Variants in ARHGEF28 observed in about 807,000 individuals in gnomAD.
The protein encoded by ARHGEF28 is 190 kDa guanine nucleotide exchange factor.
A neutral mutation model predicts 206.6 loss-of-function variants in ARHGEF28; 152 were observed. That is an observed-to-expected ratio of 0.74 (90% CI 0.64 to 0.84). The LOEUF (loss-of-function observed/expected upper bound fraction) is 0.84. Among genes scored for constraint, ARHGEF28 ranks in the 40% least tolerant of loss-of-function variants. ARHGEF28 has a pLI of 0.00. For synonymous variants in ARHGEF28, 763 were observed against 776.4 expected (o/e 0.98, Z 0.29); for missense variants, 2,028 against 2,073.2 (o/e 0.98, Z 0.42).
rs201222982 is a variant in ARHGEF28, at chr5:73,898,049, C to T, written c.3929C>T (p.Ala1310Val). 445 of 1,611,078 alleles carry T rather than the reference C, an allele frequency of 2.8e-4. 2 individuals are homozygous for T. The highest frequency in any genetic ancestry group is 5.0e-4 in the Middle Eastern group (3 of 6,056). ...CEDSCGDSVL[A>V]DTLSSHDVPG... ...GACAGTTGTGGAGACTCTGTCTTGG[C>T]GGACACACTCAGTTCTCATGATGTA... Residue 1310 changes from alanine to valine, a missense_variant, in exon 30 of 36, where the codon GCG becomes GTG. Physicochemically the swap from Ala to Val is moderately conservative, Grantham distance 64. Around this residue, in one of 3 missense-constraint regions of ARHGEF28, gnomAD observed 803 missense variants for 768.0 expected, o/e 1.05. Coordinates refer to ENST00000513042, the MANE Select transcript of ARHGEF28 (RefSeq NM_001177693.2).
intron 1 of ARHGEF28, among the ~76,000 whole-genome samples, chr5:73,683,917 GA>G (rs1202425388): frequency 1.3e-5 from 2 of 152,256 alleles, no homozygotes; most frequent in East Asian, 3.9e-4. Flanking sequence ...CAGTCTATGG[GA>G]TAGTGTCTGG....
intron 1 of ARHGEF28, among the ~76,000 whole-genome samples, chr5:73,684,076 T>C (rs930901871): frequency 6.6e-6 from 1 of 152,194 alleles, no homozygotes; most frequent in African/African-American, 2.4e-5. Flanking sequence ...TTTGATAATA[T>C]ATAGAAGGTT....
At chr5:73,780,854 G>C in intron 7 of ARHGEF28, 109 bp downstream of exon 7, 1 of 1,207,738 alleles carries the variant, frequency 8.3e-7, no homozygotes, top group Admixed American at 2.1e-5. Flanking sequence ...AAGGGGCTCA[G>C]AGGCAAGATC....
At chr5:73,938,267 C>G (rs1764537341) in intron 35 of ARHGEF28, among the ~76,000 whole-genome samples, 1 of 151,350 alleles carries the variant, frequency 6.6e-6, no homozygotes, top group African/African-American at 2.4e-5. Flanking sequence ...TACAATGTAA[C>G]TTAAAAAAGA....
chr5:73,873,486 A>C (rs545775663), intron 22 of ARHGEF28, among the ~76,000 whole-genome samples: 1 of 152,172 alleles, frequency 6.6e-6, no homozygotes, highest in African/African-American at 2.4e-5. Flanking sequence ...TTATTGAATG[A>C]ATGGGCCACT....
At chr5:73,729,387 A>T (rs1193169713) in intron 2 of ARHGEF28, among the ~76,000 whole-genome samples, 1 of 152,184 alleles carries the variant, frequency 6.6e-6, no homozygotes, top group Non-Finnish European at 1.5e-5. Flanking sequence ...TTTTAAGAAC[A>T]TATCCTCTGG....
intron 9 of ARHGEF28, chr5:73,827,903 C>G (rs1309188050): frequency 1.3e-5 from 2 of 152,004 alleles, no homozygotes; most frequent in Admixed American, 6.6e-5. Context: ...TTTTTGGGGT[C>G]AATAACTTTT....
intron 1 of ARHGEF28, among the ~76,000 whole-genome samples, chr5:73,649,649 G>C (rs911011304): frequency 2.6e-5 from 4 of 152,196 alleles, no homozygotes; most frequent in African/African-American, 4.8e-5. Context: ...TAGTTATACT[G>C]TTTTACCCTT....
intron 9 of ARHGEF28, among the ~76,000 whole-genome samples, chr5:73,806,460 GTATGTATATAGTATATAT>G (rs1755469510): frequency 1.6e-5 from 2 of 123,640 alleles, no homozygotes; most frequent in African/African-American, 6.7e-5. Context: ...TCTATATATA[GTATGTATATAGTATATAT>G]CTATATATAG....
intron 2 of ARHGEF28, among the ~76,000 whole-genome samples, chr5:73,686,053 G>A (rs1281102396): frequency 6.6e-6 from 1 of 152,068 alleles, no homozygotes; most frequent in Admixed American, 6.6e-5. Flanking sequence ...TACTTCTCTG[G>A]AGGAAGACAG....
chr5:73,709,681 G>T (rs952918611), intron 2 of ARHGEF28, among the ~76,000 whole-genome samples: 1 of 152,050 alleles, frequency 6.6e-6, no homozygotes, highest in Non-Finnish European at 1.5e-5. Context: ...ACTGCACCTG[G>T]GGTATGACTG....
At position 73,806,399 on chromosome 5, in the gene ARHGEF28, C is replaced by G. The variant is rs1325871438; in HGVS notation, c.1024+11008C>G. On this transcript the variant is annotated intron_variant, in intron 9 of 35. Coordinates refer to ENST00000513042, the MANE Select transcript of ARHGEF28 (RefSeq NM_001177693.2). ...ATATATAGATATATAGATATATATA[C>G]ATATATAGATATATAGATATATACT... 8.4e-5 allele frequency among the ~76,000 whole-genome samples: 10 copies of G among 119,156 alleles called. 1 individual carries two copies. In the South Asian group the frequency reaches 1.3e-3, roughly 15 times the overall value. 78.2% of individuals were successfully genotyped at this position (119,156 alleles called of 152,430 possible). A position where few individuals can be genotyped will look rare whatever the true frequency, so the allele number is the denominator to read the frequency against.
intron 1 of ARHGEF28, among the ~76,000 whole-genome samples, chr5:73,652,481 A>G (rs1479837497): frequency 6.6e-6 from 1 of 152,144 alleles, no homozygotes; most frequent in Non-Finnish European, 1.5e-5. Flanking sequence ...CGGTATGCAC[A>G]TTTGGGGGAG....
intron 21 of ARHGEF28, among the ~76,000 whole-genome samples, chr5:73,871,996 A>G (rs1423355430): frequency 6.6e-6 from 1 of 152,082 alleles, no homozygotes; most frequent in Non-Finnish European, 1.5e-5. Context: ...ATTGATGGAC[A>G]TTTTGGGTTT....
rs150030845 is a variant in ARHGEF28, at chr5:73,794,379, C to G, written c.911-23C>G. 3 of 1,572,646 alleles carry G rather than the reference C, an allele frequency of 1.9e-6. No homozygotes were observed. The South Asian group carries it at 3.5e-5, about 19-fold the overall frequency. ...TTAACAAAAGCTCCCATCAGCAGAT[C>G]CTGATAATTATTTCTTTTGCAGAGA... On this transcript the variant is annotated intron_variant, in intron 7 of 35. Coordinates refer to ENST00000513042, the MANE Select transcript of ARHGEF28 (RefSeq NM_001177693.2).
At chr5:73,637,334 A>G (rs1743786387) in intron 1 of ARHGEF28, among the ~76,000 whole-genome samples, 1 of 152,150 alleles carries the variant, frequency 6.6e-6, no homozygotes, top group Non-Finnish European at 1.5e-5. Context: ...TTCTCTCAAG[A>G]AACTTAGGGA....
Position 73,883,781 on chromosome 5 carries a change from T to A in ARHGEF28, c.2952T>A (p.Asn984Lys). The A allele has an allele frequency of 1.3e-6, 2 of 1,554,744 alleles. No individual in the cohort carries two copies. The highest frequency in any genetic ancestry group is 4.8e-5 in the East Asian group (2 of 41,994). ...TATTTTTTAAGCTCCGAAATAGTAA[T>A]CTTTTGGCTCGACGCCGAGGAATTC... ...FQNFIKLRNS[N>K]LLARRRGIPE... is the part of the protein sequence containing the mutation. The change falls in exon 24 of 36, where the codon AAT (asparagine) becomes AAA (lysine). Residue 984 changes from asparagine (N) to lysine (K), a missense_variant. Physicochemically the swap from Asn to Lys is moderately conservative, Grantham distance 94 (BLOSUM62 0). Around this residue, in one of 3 missense-constraint regions of ARHGEF28, gnomAD observed 223 missense variants for 289.9 expected, o/e 0.77. Transcript: ENST00000513042.
intron 2 of ARHGEF28, among the ~76,000 whole-genome samples, chr5:73,685,698 C>G: frequency 6.6e-6 from 1 of 152,162 alleles, no homozygotes; most frequent in Non-Finnish European, 1.5e-5. Context: ...TCTAAGCTCA[C>G]TGCAAACTCC....
chr5:73,857,994 T>G (rs976609463), intron 15 of ARHGEF28, 93 bp from the exon 16 acceptor site: 20 of 1,511,418 alleles, frequency 1.3e-5, no homozygotes, highest in Non-Finnish European at 1.6e-5. Context: ...ATGTAGAGAC[T>G]TTGCTCAGAT....
Sources: allele counts gnomAD v4.1 joint callset (sites outside exome capture counted in the v4.1 genomes callset), GRCh38; gene constraint gnomAD v4.1.1; regional missense constraint gnomAD v4.1.1; transcripts MANE v1.5; gene names NCBI Gene and HGNC (gene_info 2026-07-23, HGNC 2026-07-21).